Variants in IKBKB-DT observed in about 807,000 individuals in gnomAD.
IKBKB-DT encodes the protein IKBKB divergent transcript, also known as IKBKB antisense RNA.
At chr8:42,257,930 CTTT>C (rs771867322) in intron 3 of IKBKB-DT, among the ~76,000 whole-genome samples, 5 of 140,630 alleles carry the variant, frequency 3.6e-5, no homozygotes, top group Admixed American at 7.2e-5. Flanking sequence ...ATACAGTTTT[CTTT>C]TTTTTTTTTT....
At chr8:42,234,335 C>A (rs1488236403) in intron 3 of IKBKB-DT, among the ~76,000 whole-genome samples, 1 of 152,092 alleles carries the variant, frequency 6.6e-6, no homozygotes. Context: ...TGACGAGCTT[C>A]CCACTGTAAC....
intron 3 of IKBKB-DT, among the ~76,000 whole-genome samples, chr8:42,237,090 T>TG (rs1806934996): frequency 1.4e-5 from 2 of 138,284 alleles, no homozygotes; most frequent in Non-Finnish European, 2.9e-5. Flanking sequence ...GTTTTTTTTT[T>TG]TTGTTTGTTT....
At chr8:42,234,090 AG>A (rs1164209655) in intron 3 of IKBKB-DT, among the ~76,000 whole-genome samples, 5 of 152,228 alleles carry the variant, frequency 3.3e-5, no homozygotes, top group Non-Finnish European at 7.3e-5. Context: ...GCTTTGGGAA[AG>A]GGCTGCTATC....
intron 3 of IKBKB-DT, among the ~76,000 whole-genome samples, chr8:42,235,151 T>G (rs370918349): frequency 7.3e-6 from 1 of 136,560 alleles, no homozygotes; most frequent in Non-Finnish European, 1.6e-5. Flanking sequence ...TTTTTTCTTT[T>G]TTTTTTCTAA....
At chr8:42,243,881 T>A (rs1234722545) in intron 3 of IKBKB-DT, among the ~76,000 whole-genome samples, 1 of 152,258 alleles carries the variant, frequency 6.6e-6, no homozygotes, top group Non-Finnish European at 1.5e-5. Context: ...TCTAGAATTT[T>A]GTTCATACTG....
intron 3 of IKBKB-DT, among the ~76,000 whole-genome samples, chr8:42,244,671 G>C (rs1807041936): frequency 6.6e-6 from 1 of 152,210 alleles, no homozygotes; most frequent in South Asian, 2.1e-4. Flanking sequence ...CTCCCAATTA[G>C]AGTTTCATTT....
At chr8:42,252,313 G>C (rs1366904695) in intron 3 of IKBKB-DT, among the ~76,000 whole-genome samples, 1 of 152,176 alleles carries the variant, frequency 6.6e-6, no homozygotes, top group Non-Finnish European at 1.5e-5. Flanking sequence ...TTCCACCACA[G>C]AACCGGATGA....
chr8:42,242,561 G>A (rs1037427766), intron 3 of IKBKB-DT, among the ~76,000 whole-genome samples: 1 of 152,166 alleles, frequency 6.6e-6, no homozygotes, highest in African/African-American at 2.4e-5. Context: ...TAGAGAGTGG[G>A]GAGTGTACTG....
At chr8:42,238,024 C>CAAG (rs1806946986) in intron 3 of IKBKB-DT, among the ~76,000 whole-genome samples, 1 of 35,230 alleles carries the variant, frequency 2.8e-5, no homozygotes, top group Non-Finnish European at 8.4e-5. Context: ...GGCCCTCTCT[C>CAAG]AAAAAAAAAA....
At chr8:42,244,211 T>C (rs1807036251) in intron 3 of IKBKB-DT, among the ~76,000 whole-genome samples, 1 of 152,220 alleles carries the variant, frequency 6.6e-6, no homozygotes, top group African/African-American at 2.4e-5. Flanking sequence ...GTTTGTCACA[T>C]GGATCAGGTA....
At chr8:42,264,297 C>T (rs922269940) in intron 2 of IKBKB-DT, among the ~76,000 whole-genome samples, 2 of 151,972 alleles carry the variant, frequency 1.3e-5, no homozygotes, top group African/African-American at 4.8e-5. Context: ...GCTGGGACTA[C>T]AGGCACGACA....
intron 1 of IKBKB-DT, among the ~76,000 whole-genome samples, chr8:42,267,979 G>T (rs1245432033): frequency 6.6e-6 from 1 of 152,110 alleles, no homozygotes; most frequent in South Asian, 2.1e-4. Flanking sequence ...TTACAGGAGC[G>T]CAGAGTAAAC....
intron 3 of IKBKB-DT, among the ~76,000 whole-genome samples, chr8:42,250,272 C>A (rs1005939562): frequency 6.6e-6 from 1 of 151,694 alleles, no homozygotes; most frequent in Admixed American, 6.6e-5. Context: ...GGTGGGGCCA[C>A]GGGAGTAGTT....
At chr8:42,266,559 C>G (rs1161796910) in intron 1 of IKBKB-DT, among the ~76,000 whole-genome samples, 1 of 152,184 alleles carries the variant, frequency 6.6e-6, no homozygotes, top group South Asian at 2.1e-4. Context: ...GCATTTGAAC[C>G]AGAGCAACTC....
chr8:42,268,669 T>A (rs1252457535), intron 1 of IKBKB-DT, among the ~76,000 whole-genome samples: 1 of 149,792 alleles, frequency 6.7e-6, no homozygotes, highest in Admixed American at 6.7e-5. Flanking sequence ...TGGGTTCAAG[T>A]GATTCTCCTG....
chr8:42,250,952 G>A (rs1191283646), intron 3 of IKBKB-DT, among the ~76,000 whole-genome samples: 2 of 152,162 alleles, frequency 1.3e-5, no homozygotes, highest in Non-Finnish European at 2.9e-5. Flanking sequence ...CAAATGGAGG[G>A]CTGCACGCAG....
chr8:42,253,415 A>G (rs1189681262), intron 3 of IKBKB-DT, among the ~76,000 whole-genome samples: 1 of 152,190 alleles, frequency 6.6e-6, no homozygotes, highest in East Asian at 1.9e-4. Context: ...TCGATACTCT[A>G]AAGTTAATAT....
intron 1 of IKBKB-DT, among the ~76,000 whole-genome samples, chr8:42,270,055 C>T (rs1807526468): frequency 6.6e-6 from 1 of 152,228 alleles, no homozygotes; most frequent in Admixed American, 6.5e-5. Context: ...AGGTAGTCAA[C>T]AGCAGTATCT....
At chr8:42,235,200 A>AT (rs1806903501) in intron 3 of IKBKB-DT, among the ~76,000 whole-genome samples, 8 of 83,144 alleles carry the variant, frequency 9.6e-5, no homozygotes, top group Non-Finnish European at 1.0e-4. Context: ...CTTTTCTTTT[A>AT]TTTTCTTTTT....
Sources: allele counts gnomAD v4.1 joint callset (sites outside exome capture counted in the v4.1 genomes callset), GRCh38; gene constraint gnomAD v4.1.1; transcripts MANE v1.5; gene names NCBI Gene and HGNC (gene_info 2026-07-23, HGNC 2026-07-21).